Variants in MCF2 observed in about 807,000 individuals in gnomAD.
The protein encoded by MCF2 is proto-oncogene DBL.
MCF2 carries 44 observed loss-of-function variants against 82.5 expected under a neutral mutation model. The observed-to-expected ratio is 0.53, with a 90% CI of 0.42 to 0.69. MCF2 has a LOEUF of 0.69. Ranked by LOEUF, MCF2 falls within the 30% of genes least tolerant of loss-of-function variation. The pLI, the probability that MCF2 is intolerant of heterozygous loss-of-function variation, is 0.00. For missense variants in MCF2, 623 were observed against 663.1 expected (o/e 0.94, Z 0.66); for synonymous variants, 217 against 224.9 (o/e 0.96, Z 0.32).
rs745359487 is a variant in MCF2 at position 139,602,507 on chromosome X, A to G, written c.1744-9T>C. On this transcript the variant is annotated splice_polypyrimidine_tract_variant and intron_variant, in intron 15 of 24. Coordinates refer to ENST00000370576, the Ensembl canonical transcript of MCF2. ...ATCTGAAAATCATCCTTCTGTGATA[A>G]AAAACAAATTCAAATGTATTACTAA... 1 of 1,107,930 alleles carries G rather than the reference A, an allele frequency of 9.0e-7. No homozygotes were observed. Among genetic ancestry groups the G allele is most frequent in the Non-Finnish European group, 1.2e-6 (1 of 804,546 alleles). 91.3% of individuals were successfully genotyped at this position (1,107,930 alleles called of 1,213,427 possible). A position where few individuals can be genotyped will look rare whatever the true frequency, so the allele number is the denominator to read the frequency against.
At chrX:139,610,586 A>G (rs1264194825) in intron 10 of MCF2, among the ~76,000 whole-genome samples, 2 of 111,874 alleles carry the variant, frequency 1.8e-5, no homozygotes, top group African/African-American at 6.5e-5. Context: ...TTACTTGCCA[A>G]GCATTGAGGT....
At chrX:139,608,628 C>T (rs1931241253) in intron 11 of MCF2, among the ~76,000 whole-genome samples, 1 of 111,320 alleles carries the variant, frequency 9.0e-6, no homozygotes, top group African/African-American at 3.3e-5. Flanking sequence ...AAATGAAGTA[C>T]AGTATCTATC....
In MCF2 at chrX:139,626,763, A is replaced by G; in HGVS notation, c.439-7T>C. ...TTACAGCTGTAATATCATTCTGTCC[A>G]AAGACACAAAAGGAGTATCACCTAA... On this transcript the variant is annotated splice_region_variant and splice_polypyrimidine_tract_variant and intron_variant, in intron 4 of 24. Coordinates refer to ENST00000370576, the Ensembl canonical transcript of MCF2. 1 of 1,202,897 alleles carries G rather than the reference A, an allele frequency of 8.3e-7. No individual in the cohort carries two copies. The highest frequency in any genetic ancestry group is 1.7e-5 in the African/African-American group (1 of 57,541).
At chrX:139,670,987 T>A (rs917289364) in intron 1 of MCF2, among the ~76,000 whole-genome samples, 3 of 111,741 alleles carry the variant, frequency 2.7e-5, no homozygotes, top group Non-Finnish European at 3.8e-5. Flanking sequence ...GTTTCCTGAC[T>A]TTTTAATGAT....
chrX:139,586,526 C>A (rs1603272076), intron 22 of MCF2, 39 bp from the exon 27 acceptor site: 3 of 958,357 alleles, frequency 3.1e-6, no homozygotes, highest in South Asian at 2.0e-5. Flanking sequence ...AGCTTTTGTA[C>A]AGTTTACAAG....
At chrX:139,656,424 T>C (rs1052445387) in intron 1 of MCF2, among the ~76,000 whole-genome samples, 1 of 112,538 alleles carries the variant, frequency 8.9e-6, no homozygotes, top group African/African-American at 3.2e-5. Context: ...AATCCATAGA[T>C]GTAAAAACAG....
chrX:139,604,743 A>C, exon 15 of MCF2: 1 of 1,195,453 alleles, frequency 8.4e-7, no homozygotes, highest in Non-Finnish European at 1.1e-6. Context: ...AGGCTGCTCA[A>C]GAAAATGCTG....
chrX:139,620,520 C>T (rs944603198), intron 6 of MCF2, among the ~76,000 whole-genome samples: 7 of 111,272 alleles, frequency 6.3e-5, no homozygotes, highest in African/African-American at 1.3e-4. Context: ...GAAAGTTTTA[C>T]GATACAAAAT....
chrX:139,620,207 C>A (rs1163014810), intron 6 of MCF2, among the ~76,000 whole-genome samples: 1 of 109,131 alleles, frequency 9.2e-6, no homozygotes, highest in African/African-American at 3.3e-5. Context: ...AAAAAGAAAC[C>A]AGGGCTCCTC....
At chrX:139,587,852 A>T in intron 21 of MCF2, 64 bp from the exon 26 acceptor site, 1 of 653,175 alleles carries the variant, frequency 1.5e-6, no homozygotes, top group Non-Finnish European at 2.5e-6. Context: ...TTGAAGGCCA[A>T]TGACTTTCTC....
chrX:139,596,162 C>G (rs1167790568), intron 19 of MCF2, among the ~76,000 whole-genome samples: 1 of 110,988 alleles, frequency 9.0e-6, no homozygotes, highest in Non-Finnish European at 1.9e-5. Flanking sequence ...TCTTTCCTCC[C>G]TGTCTCTCCT....
chrX:139,582,543 C>T lies in MCF2; in HGVS notation c.2746-40G>A, dbSNP rs377524143. 4 of 1,082,066 alleles carry T rather than the reference C, an allele frequency of 3.7e-6. No homozygotes were observed. The African/African-American group carries it at 5.5e-5, about 15-fold the overall frequency. The allele number at this position is 1,082,066 out of a possible 1,213,427, so 89.2% of individuals were successfully genotyped here. A position where few individuals can be genotyped will look rare whatever the true frequency, so the allele number is the denominator to read the frequency against. On this transcript the variant is annotated intron_variant, in intron 24 of 24. Coordinates refer to ENST00000370576, the Ensembl canonical transcript of MCF2. ...GCACCCATTATTGCTCAGTTTACAA[C>T]TTGACCAAGTGAAGCCAAAAGAGCA...
intron 16 of MCF2, among the ~76,000 whole-genome samples, chrX:139,600,633 A>G (rs1417910149): frequency 1.8e-5 from 2 of 111,999 alleles, no homozygotes; most frequent in African/African-American, 6.5e-5. Context: ...AAGGAATCTG[A>G]CCAGCCTAAT....
intron 1 of MCF2, among the ~76,000 whole-genome samples, chrX:139,637,756 C>T (rs1933318093): frequency 9.0e-6 from 1 of 111,304 alleles, no homozygotes; most frequent in South Asian, 3.8e-4. Context: ...CATCCTAATC[C>T]CTGGAACCTG....
intron 23 of MCF2, among the ~76,000 whole-genome samples, 183 bp from the exon 28 acceptor site, chrX:139,585,361 A>G (rs766855547): frequency 9.0e-6 from 1 of 111,195 alleles, no homozygotes; most frequent in Non-Finnish European, 1.9e-5. Context: ...GCAACCTGGG[A>G]AAAGTCATTG....
At chrX:139,668,699 C>T (rs371147304) in intron 1 of MCF2, among the ~76,000 whole-genome samples, 77 of 111,461 alleles carry the variant, frequency 6.9e-4, no homozygotes, top group African/African-American at 2.3e-3. Context: ...ATTGTCTATA[C>T]GCTATTTTGG....
intron 1 of MCF2, among the ~76,000 whole-genome samples, chrX:139,706,074 G>T (rs1427215022): frequency 8.9e-6 from 1 of 112,574 alleles, no homozygotes; most frequent in Non-Finnish European, 1.9e-5. Flanking sequence ...ACAGATGCTG[G>T]CTGGCAAGGC....
intron 6 of MCF2, 82 bp downstream of exon 9, chrX:139,626,111 G>A (rs1320742246): frequency 5.7e-6 from 3 of 529,491 alleles, no homozygotes; most frequent in African/African-American, 2.4e-5. Flanking sequence ...TGGGCATCTT[G>A]CAAGGCAGGA....
chrX:139,612,829 C>G (rs1278940195), intron 10 of MCF2, among the ~76,000 whole-genome samples: 2 of 111,593 alleles, frequency 1.8e-5, no homozygotes, highest in African/African-American at 6.5e-5. Context: ...ATTAAGCTGC[C>G]TTCATCCTCA....
Sources: allele counts gnomAD v4.1 joint callset (sites outside exome capture counted in the v4.1 genomes callset), GRCh38; gene constraint gnomAD v4.1.1; transcripts MANE v1.5; gene names NCBI Gene and HGNC (gene_info 2026-07-23, HGNC 2026-07-21).